UNC5C: variants seen among roughly 807,000 people sequenced by gnomAD.
UNC5C encodes netrin receptor UNC5C.
UNC5C carries 47 observed loss-of-function variants against 99.8 expected under a neutral mutation model. That is an observed-to-expected ratio of 0.47 (90% CI 0.37 to 0.60). The LOEUF is 0.60. Ranked by LOEUF, UNC5C falls within the 20% of genes least tolerant of loss-of-function variation. UNC5C has a pLI of 0.00. For synonymous variants in UNC5C, 487 were observed against 452.2 expected (o/e 1.08, Z -0.98); for missense variants, 1,062 against 1,165.9 (o/e 0.91, Z 1.30).
rs1194848389 is a variant in UNC5C at position 95,185,060 on chromosome 4, A to G, written c.2273T>C (p.Leu758Pro). 5 of 1,611,458 alleles carry G rather than the reference A, an allele frequency of 3.1e-6. No individual in the cohort carries two copies. The highest frequency in any genetic ancestry group is 4.2e-6 in the Non-Finnish European group (5 of 1,179,320). Residue 758 changes from leucine (L) to proline (P), a missense_variant, in exon 13 of 16, where the codon CTG becomes CCG. Coordinates refer to ENST00000453304, the MANE Select transcript of UNC5C (RefSeq NM_003728.4). ...IAHSLWKSKL[L>P]AKYQEIPFYH... ...TGGGAACCTTACCTGATATTTAGCC[A>G]GCAATTTGCTCTTCCAGAGGGAATG...
At chr4:95,400,462 G>A (rs1353783324) in intron 1 of UNC5C, among the ~76,000 whole-genome samples, 2 of 131,620 alleles carry the variant, frequency 1.5e-5, no homozygotes, top group Non-Finnish European at 1.5e-5. Context: ...GCACGATCTC[G>A]GCTCACTGCA....
chr4:95,184,957 T>G, intron 13 of UNC5C, 90 bp downstream of exon 13: 1 of 1,341,418 alleles, frequency 7.5e-7, no homozygotes, highest in Non-Finnish European at 9.8e-7. Flanking sequence ...TATGATTAAT[T>G]TCAAGGAAGG....
chr4:95,534,139 A>T (rs1722718502), intron 1 of UNC5C, among the ~76,000 whole-genome samples: 3 of 152,218 alleles, frequency 2.0e-5, no homozygotes, highest in African/African-American at 7.2e-5. Flanking sequence ...GGGCTAAAAA[A>T]ATAAAAGAGT....
At chr4:95,194,708 G>A (rs963227183) in intron 12 of UNC5C, among the ~76,000 whole-genome samples, 16 of 152,120 alleles carry the variant, frequency 1.1e-4, no homozygotes, top group African/African-American at 2.4e-4. Flanking sequence ...AGATGGTCCC[G>A]GATAATCTCC....
At chr4:95,415,151 G>A (rs886403560) in intron 1 of UNC5C, among the ~76,000 whole-genome samples, 6 of 152,222 alleles carry the variant, frequency 3.9e-5, no homozygotes, top group Non-Finnish European at 7.4e-5. Context: ...AAGCATGCAT[G>A]TAAAAGAACC....
intron 1 of UNC5C, among the ~76,000 whole-genome samples, chr4:95,336,411 T>A (rs1355543664): frequency 1.3e-5 from 2 of 151,854 alleles, no homozygotes; most frequent in African/African-American, 4.8e-5. Context: ...TTCCCCAAAC[T>A]GGTTACAAAT....
intron 12 of UNC5C, among the ~76,000 whole-genome samples, chr4:95,191,181 G>A (rs1305439713): frequency 1.3e-5 from 2 of 152,132 alleles, no homozygotes; most frequent in Non-Finnish European, 2.9e-5. Flanking sequence ...GGTCTGTCCA[G>A]CCCCCGAGTT....
intron 3 of UNC5C, among the ~76,000 whole-genome samples, chr4:95,292,801 A>G (rs1478126304): frequency 3.9e-5 from 6 of 152,184 alleles, no homozygotes; most frequent in Admixed American, 6.5e-5. Context: ...TGTACTTTCA[A>G]TTTAATTCAA....
intron 2 of UNC5C, among the ~76,000 whole-genome samples, chr4:95,314,762 G>T (rs927252656): frequency 6.6e-6 from 1 of 152,108 alleles, no homozygotes; most frequent in African/African-American, 2.4e-5. Context: ...TGTGGTTTCA[G>T]TTTTATCTCT....
rs1171703429 is a variant in UNC5C, at chr4:95,250,634, G to A, written c.628C>T (p.Pro210Ser). The A allele has an allele frequency of 1.9e-6, 3 of 1,613,932 alleles. No homozygotes were observed. Among genetic ancestry groups the A allele is most frequent in the East Asian group, 4.5e-5 (2 of 44,860 alleles). Residue 210 changes from proline to serine, a missense_variant, in exon 5 of 16, where the codon CCC becomes TCC. Coordinates refer to ENST00000453304, the MANE Select transcript of UNC5C (RefSeq NM_003728.4). ...ATATAAAAATTCCGATCTTCAACGG[G>A]ATCAATTATGTCTTCATTTTTCAAC... ...EWLKNEDIIDPVEDRNFYITI... is the reference protein window; with the variant it reads ...EWLKNEDIIDSVEDRNFYITI...
intron 2 of UNC5C, among the ~76,000 whole-genome samples, chr4:95,324,510 A>T (rs2149414718): frequency 6.6e-6 from 1 of 152,182 alleles, no homozygotes; most frequent in South Asian, 2.1e-4. Context: ...TCCCCCTCCC[A>T]CTTTGCGGAA....
chr4:95,528,778 G>A (rs1670334132), intron 1 of UNC5C, among the ~76,000 whole-genome samples: 1 of 152,122 alleles, frequency 6.6e-6, no homozygotes, highest in African/African-American at 2.4e-5. Flanking sequence ...AAAAGGAGAG[G>A]CCCCAGGGAA....
At chr4:95,392,459 T>C (rs1210414291) in intron 1 of UNC5C, among the ~76,000 whole-genome samples, 2 of 149,266 alleles carry the variant, frequency 1.3e-5, no homozygotes, top group Non-Finnish European at 1.5e-5. Context: ...AAAAAACAGG[T>C]TTCACTCTGT....
intron 1 of UNC5C, among the ~76,000 whole-genome samples, chr4:95,392,429 CA>C (rs1320449910): frequency 2.6e-5 from 3 of 115,274 alleles, no homozygotes; most frequent in Non-Finnish European, 5.0e-5. Flanking sequence ...AGTATCAAAA[CA>C]TTTTTTTTTT....
intron 1 of UNC5C, among the ~76,000 whole-genome samples, chr4:95,475,722 C>T (rs1053228844): frequency 6.6e-6 from 1 of 152,034 alleles, no homozygotes; most frequent in East Asian, 1.9e-4. Context: ...AGCTACCCAC[C>T]TGGGAAAACT....
At chr4:95,265,208 T>C (rs964010530) in intron 4 of UNC5C, among the ~76,000 whole-genome samples, 1 of 152,210 alleles carries the variant, frequency 6.6e-6, no homozygotes, top group African/African-American at 2.4e-5. Context: ...CAAATCGTTA[T>C]CTTCAGTCCC....
chr4:95,518,301 T>A (rs1292635492), intron 1 of UNC5C, among the ~76,000 whole-genome samples: 2 of 152,154 alleles, frequency 1.3e-5, no homozygotes, highest in Non-Finnish European at 2.9e-5. Flanking sequence ...AAAAAGATGA[T>A]CCTTGTTCCC....
chr4:95,191,766 C>T (rs952690357), intron 12 of UNC5C, among the ~76,000 whole-genome samples: 1 of 148,912 alleles, frequency 6.7e-6, no homozygotes, highest in African/African-American at 2.5e-5. Context: ...CCCTCCTCCC[C>T]TGCTCACCTC....
intron 1 of UNC5C, among the ~76,000 whole-genome samples, chr4:95,421,024 A>G (rs1746303300): frequency 2.0e-5 from 3 of 152,096 alleles, no homozygotes; most frequent in Admixed American, 6.5e-5. Flanking sequence ...AATCTCTAGA[A>G]TGTTCTTGTT....
Sources: allele counts gnomAD v4.1 joint callset (sites outside exome capture counted in the v4.1 genomes callset), GRCh38; gene constraint gnomAD v4.1.1; transcripts MANE v1.5; gene names NCBI Gene and HGNC (gene_info 2026-07-23, HGNC 2026-07-21).